The following GRHL3 variants were observed in gnomAD, a reference collection of about 807,000 sequenced individuals.
The protein encoded by GRHL3 is grainyhead-like protein 3 homolog.
In GRHL3, 20 loss-of-function variants were observed where a neutral mutation model predicts 70.3. That is an observed-to-expected ratio of 0.28 (90% CI 0.20 to 0.41). The LOEUF is 0.41. GRHL3 is among the 10% of genes least tolerant of loss of function. The pLI is 1.00. For synonymous variants in GRHL3, 299 were observed against 299.9 expected, an observed-to-expected ratio of 1.00 and a Z score of 0.03; for missense variants, 637 against 762.3, an observed-to-expected ratio of 0.84 and a Z score of 1.94.
intron 7 of GRHL3, 84 bp from the exon 8 acceptor site, chr1:24,339,574 CGGCCGAGTGA>C: frequency 1.3e-6 from 1 of 795,378 alleles, no homozygotes; most frequent in Non-Finnish European, 2.1e-6. Context: ...AAACCACGCC[CGGCCGAGTGA>C]GGCCCAGTTT....
chr1:24,349,127 GT>G lies in GRHL3; in HGVS notation c.1630-930del, dbSNP rs147338015. 8.6e-3 allele frequency among the ~76,000 whole-genome samples: 1,305 copies of G among 152,312 alleles called. 15 individuals are homozygous for G. Among genetic ancestry groups the G allele is most frequent in the African/African-American group, 0.028 (1,164 of 41,550 alleles). On this transcript the variant is annotated intron_variant, in intron 14 of 15. Transcript: ENST00000361548. ...GAGTGGCCTGTTCGAAGTTCTGCACGTCCAGGTGGTGCAGCTGGGACCAGAC... is the reference window on the plus strand; with the variant it reads ...GAGTGGCCTGTTCGAAGTTCTGCACGCCAGGTGGTGCAGCTGGGACCAGAC...
At chr1:24,327,074 T>A (rs1268863250) in intron 1 of GRHL3, among the ~76,000 whole-genome samples, 1 of 152,176 alleles carries the variant, frequency 6.6e-6, no homozygotes, top group Non-Finnish European at 1.5e-5. Context: ...GGTTCTGGGA[T>A]GATGATGGTG....
chr1:24,359,787 T>C (rs1438442247), downstream of GRHL3, among the ~76,000 whole-genome samples: 4 of 152,188 alleles, frequency 2.6e-5, no homozygotes, highest in African/African-American at 9.7e-5. This position sits in a 1 kb window ranked among gnomAD's most constrained non-coding sequence, Gnocchi z 5.3. Flanking sequence ...GCTTTGGCCA[T>C]GGTCAGGCTG....
intron 15 of GRHL3, among the ~76,000 whole-genome samples, chr1:24,352,644 G>T (rs1387434874): frequency 6.6e-6 from 1 of 152,176 alleles, no homozygotes; most frequent in Non-Finnish European, 1.5e-5. Context: ...CTTCCAGCTG[G>T]TACATATCAG....
chr1:24,356,443 G>C (rs1640721752), downstream of GRHL3, among the ~76,000 whole-genome samples: 1 of 150,366 alleles, frequency 6.7e-6, no homozygotes, highest in Admixed American at 6.6e-5. Context: ...GTTTCACCGT[G>C]TTAGCCAGGA....
intron 11 of GRHL3, among the ~76,000 whole-genome samples, chr1:24,344,559 G>A (rs1640172199): frequency 6.9e-6 from 1 of 145,940 alleles, no homozygotes; most frequent in African/African-American, 2.5e-5. Flanking sequence ...CAACTGCCTA[G>A]TTACCGGCCG....
chr1:24,346,524 C>T (rs369408120), intron 12 of GRHL3, 29 bp from the exon 13 acceptor site: 3 of 1,563,992 alleles, frequency 1.9e-6, no homozygotes, highest in African/African-American at 2.7e-5. Context: ...CCAAGTTTCT[C>T]ACAAGCTCCC....
Position 24,334,604 on chromosome 1 carries a change from A to G in GRHL3, c.205-41A>G. On this transcript the variant is annotated intron_variant, in intron 2 of 15. Transcript: ENST00000361548. This position sits in a 1 kb window ranked among gnomAD's most constrained non-coding sequence, Gnocchi z 4.3. Reference sequence around the variant, plus strand: ...AGGGGATTGAGGCTCCTACCAGCAGAAGCTTAGCCATGCATAAATCCTTCC... The same window carrying G: ...AGGGGATTGAGGCTCCTACCAGCAGGAGCTTAGCCATGCATAAATCCTTCC... 1 of 1,549,510 alleles carries G rather than the reference A, an allele frequency of 6.5e-7. No homozygotes were observed. The highest frequency in any genetic ancestry group is 8.9e-7 in the Non-Finnish European group (1 of 1,125,802).
intron 15 of GRHL3, among the ~76,000 whole-genome samples, chr1:24,353,640 GA>G (rs1019564259): frequency 2.6e-5 from 4 of 152,118 alleles, no homozygotes; most frequent in African/African-American, 9.7e-5. Context: ...AGACAGCAGG[GA>G]AGGGGCAAGG....
Position 24,319,461 on chromosome 1 carries a change from C to A in GRHL3, c.-91C>A. The stretch of plus-strand genomic sequence containing the variant: ...AACCTCAACATAAATCAAACACTTT[C>A]CCGGGCAGAGAATGTCTGTGTCAGG... On this transcript the variant is annotated 5_prime_UTR_variant, in exon 1 of 16. Coordinates refer to ENST00000361548, the MANE Select transcript of GRHL3 (RefSeq NM_198173.3). 7.5e-7 allele frequency: 1 copy of A among 1,326,344 alleles called. No homozygotes were observed. The highest frequency in any genetic ancestry group is 1.1e-6 in the Non-Finnish European group (1 of 918,978). The allele number at this position is 1,326,344 out of a possible 1,614,324, so 82.2% of individuals were successfully genotyped here. A position where few individuals can be genotyped will look rare whatever the true frequency, so the allele number is the denominator to read the frequency against.
intron 4 of GRHL3, 62 bp from the exon 5 acceptor site, chr1:24,337,016 G>C (rs547273475): frequency 1.3e-6 from 2 of 1,519,564 alleles, no homozygotes; most frequent in South Asian, 2.3e-5. Flanking sequence ...GCACAGCCCT[G>C]GGCTGAGGCT....
Position 24,336,780 on chromosome 1 carries a change from A to C in GRHL3, c.565A>C (p.Thr189Pro). 1.2e-6 allele frequency: 2 copies of C among 1,612,768 alleles called. No homozygotes were observed. Among genetic ancestry groups the C allele is most frequent in the Non-Finnish European group, 1.7e-6 (2 of 1,179,276 alleles). The change falls in exon 4 of 16, where the codon ACA becomes CCA. Residue 189 changes from threonine (T) to proline (P), a missense_variant. Transcript: ENST00000361548. ...LFESIHGVPP[T>P]QRWQPDSTFK... ...TGAGAGCATTCATGGGGTGCCGCCC[A>C]CACAGCGCTGGCAGCCAGACAGCAC...
At chr1:24,363,871 A>G (rs1641282192) in intron 15 of GRHL3, among the ~76,000 whole-genome samples, 1 of 152,166 alleles carries the variant, frequency 6.6e-6, no homozygotes, top group East Asian at 1.9e-4. Flanking sequence ...AGGAATTGGG[A>G]CACAAGGAGA....
chr1:24,358,260 G>A (rs775686308), downstream of GRHL3: 28 of 631,392 alleles, frequency 4.4e-5, no homozygotes, highest in South Asian at 4.2e-4. Context: ...AGCCTGGATG[G>A]GTGCGTGGGG....
exon 16 of GRHL3, chr1:24,364,188 A>C (rs1040447178): frequency 9.4e-5 from 140 of 1,490,188 alleles, no homozygotes; most frequent in Admixed American, 1.5e-4. Flanking sequence ...CTTCCAGGGA[A>C]ACTTCTCTCC....
chr1:24,350,688 G>A (rs1030802707), intron 15 of GRHL3, among the ~76,000 whole-genome samples: 5 of 152,192 alleles, frequency 3.3e-5, no homozygotes, highest in Admixed American at 6.5e-5. Context: ...AGTGGCTGGC[G>A]ATGAGTCTGG....
chr1:24,347,564 T>TGTGGACCCCGCCCCCCATG lies in GRHL3; in HGVS notation c.1629+13_1629+31dup. 6.2e-7 allele frequency: 1 copy of TGTGGACCCCGCCCCCCATG among 1,606,666 alleles called. No homozygotes were observed. The highest frequency in any genetic ancestry group is 8.5e-7 in the Non-Finnish European group (1 of 1,173,244). ...GGGCTGAGGAATGCGGTAAGCTGCC[T>TGTGGACCCCGCCCCCCATG]GTGGACCCCGCCCCCCATGGCAGAC... is the stretch of plus-strand genomic sequence containing the variant. On this transcript the variant is annotated intron_variant, in intron 14 of 15. Coordinates refer to ENST00000361548, the MANE Select transcript of GRHL3 (RefSeq NM_198173.3).
intron 15 of GRHL3, chr1:24,361,123 C>A: frequency 5.5e-6 from 7 of 1,269,364 alleles, no homozygotes; most frequent in Non-Finnish European, 7.5e-6. Context: ...CCAAGACCTG[C>A]ACAGCAGCAA....
At position 24,337,090 on chromosome 1, in the gene GRHL3, C is replaced by G. The variant is rs1639848803; in HGVS notation, c.625C>G (p.Pro209Ala). The G allele has an allele frequency of 6.2e-7, 1 of 1,614,048 alleles. No individual in the cohort carries two copies. Among genetic ancestry groups the G allele is most frequent in the Non-Finnish European group, 8.5e-7 (1 of 1,179,932 alleles). ...KDDPQESMLF[P>A]DILKTSPEPP... ...TGTTTCTCTGCAGTCGATGCTCTTC[C>G]CAGATATCCTGAAAACCTCCCCGGA... The change falls in exon 5 of 16, where the codon CCA becomes GCA. Residue 209 changes from proline (P) to alanine (A), a missense_variant. Pro to Ala is a conservative substitution (Grantham distance 27). Transcript: ENST00000361548.
Sources: allele counts gnomAD v4.1 joint callset (sites outside exome capture counted in the v4.1 genomes callset), GRCh38; gene constraint gnomAD v4.1.1; non-coding constraint Gnocchi (gnomAD v3.1); transcripts MANE v1.5; gene names NCBI Gene and HGNC (gene_info 2026-07-23, HGNC 2026-07-21).